The following RADIL variants were observed in gnomAD, a reference collection of about 807,000 sequenced individuals.
The protein encoded by RADIL is Rap associating with DIL domain.
Under a neutral mutation model 97.6 loss-of-function variants are expected in RADIL, and 99 were observed. The observed-to-expected ratio is 1.01, with a 90% confidence interval of 0.86 to 1.20. The LOEUF is 1.20. Among genes scored for constraint, RADIL ranks in the 50% most tolerant of loss-of-function variants. The pLI, the probability that RADIL is intolerant of heterozygous loss-of-function variation, is 0.00. For missense variants in RADIL, 1,765 were observed against 1,498.9 expected, an observed-to-expected ratio of 1.18 and a Z score of -2.93; for synonymous variants, 803 against 691.8, an observed-to-expected ratio of 1.16 and a Z score of -2.52.
At chr7:4,851,257 G>A (rs1375726917) in intron 2 of RADIL, among the ~76,000 whole-genome samples, 1 of 152,080 alleles carries the variant, frequency 6.6e-6, no homozygotes, top group Non-Finnish European at 1.5e-5. Context: ...GCCAGGAAAT[G>A]GGGTGCTACT....
At position 4,842,155 on chromosome 7, in the gene RADIL, T is replaced by C. The variant is rs1783454757; in HGVS notation, c.536-5550A>G. On this transcript the variant is annotated intron_variant, in intron 2 of 14. Transcript: ENST00000399583. The surrounding 1 kb of genome is among the most constrained non-coding windows in gnomAD (Gnocchi z 4.5). Reference sequence around the variant, plus strand: ...GACAGGCCTGCCTGGTCATGAAATGTCTGCCTTTGACAATGGGATAGAAGG... The same window carrying C: ...GACAGGCCTGCCTGGTCATGAAATGCCTGCCTTTGACAATGGGATAGAAGG... 6.6e-6 allele frequency among the ~76,000 whole-genome samples: 1 copy of C among 151,840 alleles called. No individual in the cohort carries two copies. The highest frequency in any genetic ancestry group is 6.6e-5 in the Admixed American group (1 of 15,262).
intron 2 of RADIL, among the ~76,000 whole-genome samples, chr7:4,866,171 A>G (rs1218232879): frequency 1.3e-5 from 2 of 152,094 alleles, no homozygotes; most frequent in Non-Finnish European, 2.9e-5. Flanking sequence ...TTAAGAGATA[A>G]GGTCTCCTCT....
chr7:4,799,285 G>C lies in RADIL; in HGVS notation c.*93C>G. ...GGCTCCCCACCCGGGACCCAACTTG[G>C]TCAGTTACAAAACAGGGACGAAGGC... On this transcript the variant is annotated 3_prime_UTR_variant, in exon 15 of 15. Coordinates refer to ENST00000399583, the MANE Select transcript of RADIL (RefSeq NM_018059.5). 7.8e-7 allele frequency: 1 copy of C among 1,287,660 alleles called. No homozygotes were observed. Among genetic ancestry groups the C allele is most frequent in the Non-Finnish European group, 1.1e-6 (1 of 904,744 alleles). 79.8% of individuals were successfully genotyped at this position (1,287,660 alleles called of 1,614,324 possible). A position where few individuals can be genotyped will look rare whatever the true frequency, so the allele number is the denominator to read the frequency against.
chr7:4,830,129 G>A (rs771291323), intron 5 of RADIL, among the ~76,000 whole-genome samples: 2 of 152,182 alleles, frequency 1.3e-5, no homozygotes, highest in Non-Finnish European at 2.9e-5. Flanking sequence ...AGTATCATAC[G>A]TACGTGTGTG....
At chr7:4,829,957 C>A (rs1218988412) in intron 5 of RADIL, among the ~76,000 whole-genome samples, 1 of 152,182 alleles carries the variant, frequency 6.6e-6, no homozygotes, top group East Asian at 1.9e-4. Flanking sequence ...TCACGCAAAC[C>A]TCTGTGTACC....
chr7:4,854,479 A>T lies in RADIL; in HGVS notation c.536-17874T>A, dbSNP rs1273428830. On this transcript the variant is annotated intron_variant, in intron 2 of 14. Coordinates refer to ENST00000399583, the MANE Select transcript of RADIL (RefSeq NM_018059.5). This position sits in a 1 kb window ranked among gnomAD's most constrained non-coding sequence, Gnocchi z 5.1. ...GAGGCCGAGGCAGGCAGATCACCTG[A>T]GGTCAGGAGTTCAAGACCAGCCTGG... Among the ~76,000 whole-genome samples, 1 of 152,202 alleles carries T rather than the reference A, an allele frequency of 6.6e-6. No individual in the cohort carries two copies. Among genetic ancestry groups the T allele is most frequent in the Non-Finnish European group, 1.5e-5 (1 of 68,036 alleles).
intron 10 of RADIL, 169 bp downstream of exon 10, chr7:4,805,397 G>T (rs926222154): frequency 1.3e-6 from 1 of 743,174 alleles, no homozygotes; most frequent in Non-Finnish European, 1.9e-6. Context: ...CCAGGTTGGG[G>T]ATGGGGCGGG....
At chr7:4,870,857 TCCC>T (rs1238173920) in intron 2 of RADIL, among the ~76,000 whole-genome samples, 5 of 151,908 alleles carry the variant, frequency 3.3e-5, no homozygotes, top group Non-Finnish European at 7.4e-5. Context: ...GTCACCCGAG[TCCC>T]CAGGGCAGGA....
chr7:4,809,457 C>CA, intron 9 of RADIL: 6 of 985,436 alleles, frequency 6.1e-6, no homozygotes, highest in Non-Finnish European at 7.2e-6. Flanking sequence ...ACGCACAAGC[C>CA]AACGAATTTC....
chr7:4,802,068 C>G (rs1782106003), intron 11 of RADIL, 73 bp from the exon 12 acceptor site: 2 of 1,300,852 alleles, frequency 1.5e-6, no homozygotes, highest in Middle Eastern at 2.5e-4. Context: ...AACTGGGCAG[C>G]CTGCAGCAGA....
At chr7:4,799,574 C>T (rs1782005424) in intron 14 of RADIL, 56 bp downstream of exon 14, 2 of 1,607,026 alleles carry the variant, frequency 1.2e-6, no homozygotes, top group African/African-American at 2.7e-5. Context: ...CCCAGGTCCA[C>T]TCCCCTGAGC....
rs1229529390 is a variant in RADIL at position 4,798,343 on chromosome 7, C to T, written c.*1035G>A. On this transcript the variant is annotated 3_prime_UTR_variant, in exon 15 of 15. Coordinates refer to ENST00000399583, the MANE Select transcript of RADIL (RefSeq NM_018059.5). ...CCTGGGACAGACCCAGGACACCGATCTGGGGACCCCGCACAGACCTCTGTC... is the reference window on the plus strand; with the variant it reads ...CCTGGGACAGACCCAGGACACCGATTTGGGGACCCCGCACAGACCTCTGTC... The T allele has an allele frequency of 1.3e-5, 2 of 152,168 alleles. No homozygotes were observed. Among genetic ancestry groups the T allele is most frequent in the African/African-American group, 2.4e-5 (1 of 41,430 alleles). 9.4% of individuals were successfully genotyped at this position (152,168 alleles called of 1,614,324 possible).
At chr7:4,825,136 G>T (rs138988948) in intron 5 of RADIL, among the ~76,000 whole-genome samples, 2,685 of 152,176 alleles carry the variant, frequency 0.018, 69 homozygotes, top group African/African-American at 0.059. Context: ...GGGCACTCGG[G>T]GGGGGACAGC....
chr7:4,802,568 C>T (rs1286423611), intron 11 of RADIL, among the ~76,000 whole-genome samples: 15 of 124,110 alleles, frequency 1.2e-4, no homozygotes, highest in African/African-American at 2.5e-4. Flanking sequence ...CCTCCCCGGG[C>T]ACCTCGGGGC....
At chr7:4,806,854 C>T (rs1478649621) in intron 9 of RADIL, among the ~76,000 whole-genome samples, 2 of 152,166 alleles carry the variant, frequency 1.3e-5, no homozygotes, top group Admixed American at 6.5e-5. Context: ...CTGTGACTCC[C>T]GTGCTGCTCG....
intron 9 of RADIL, chr7:4,808,495 C>T: frequency 3.5e-6 from 3 of 847,788 alleles, no homozygotes; most frequent in Non-Finnish European, 4.3e-6. Flanking sequence ...GGCCCCCAAG[C>T]TAGAAATGGT....
chr7:4,860,689 ATGCT>A, intron 2 of RADIL: 1 of 1,614,118 alleles, frequency 6.2e-7, no homozygotes, highest in Non-Finnish European at 8.5e-7. Flanking sequence ...GTACAATATA[ATGCT>A]TGTACTTTTG....
intron 4 of RADIL, among the ~76,000 whole-genome samples, chr7:4,833,800 G>A (rs1408784340): frequency 6.6e-6 from 1 of 152,142 alleles, no homozygotes; most frequent in Non-Finnish European, 1.5e-5. Flanking sequence ...GGCCCAGCGG[G>A]GGGCCATGAC....
At chr7:4,825,908 AG>A (rs1476517108) in intron 5 of RADIL, among the ~76,000 whole-genome samples, 4 of 144,972 alleles carry the variant, frequency 2.8e-5, no homozygotes, top group Admixed American at 1.4e-4. Context: ...AAAAAAAAAA[AG>A]GGAAATGAAA....
Sources: allele counts gnomAD v4.1 joint callset (sites outside exome capture counted in the v4.1 genomes callset), GRCh38; gene constraint gnomAD v4.1.1; non-coding constraint Gnocchi (gnomAD v3.1); transcripts MANE v1.5; gene names NCBI Gene and HGNC (gene_info 2026-07-23, HGNC 2026-07-21).